Variants in KPNA1 observed in about 807,000 individuals in gnomAD.
The protein encoded by KPNA1 is karyopherin subunit alpha 1.
In KPNA1, 10 loss-of-function variants were observed where a neutral mutation model predicts 70.5. The observed-to-expected ratio is 0.14, with a 90% CI of 0.09 to 0.24. The LOEUF is 0.24. KPNA1 is among the 10% of genes least tolerant of loss of function. The pLI, the probability that KPNA1 is intolerant of heterozygous loss-of-function variation, is 1.00. For synonymous variants in KPNA1, 192 were observed against 221.9 expected, an observed-to-expected ratio of 0.87 and a Z score of 1.20; for missense variants, 397 against 637.9, an observed-to-expected ratio of 0.62 and a Z score of 4.07.
intron 5 of KPNA1, among the ~76,000 whole-genome samples, chr3:122,455,585 CAGTCTTGTTGCCCAGGCTGG>C (rs1308054374): frequency 6.6e-6 from 1 of 152,038 alleles, no homozygotes; most frequent in Non-Finnish European, 1.5e-5. Flanking sequence ...GACAGAGTCT[CAGTCTTGTTGCCCAGGCTGG>C]AGTGCAATGT....
At chr3:122,433,509 A>C in intron 12 of KPNA1, 152 bp downstream of exon 12, 1 of 558,500 alleles carries the variant, frequency 1.8e-6, no homozygotes, top group Non-Finnish European at 3.0e-6. Flanking sequence ...ACTGGAACTA[A>C]ACATTCTTAT....
intron 9 of KPNA1, among the ~76,000 whole-genome samples, chr3:122,446,699 C>T (rs1280733349): frequency 6.6e-6 from 1 of 151,914 alleles, no homozygotes; most frequent in African/African-American, 2.4e-5. Context: ...GATACAGACA[C>T]AAAAAACCCT....
At chr3:122,484,620 G>A (rs1424621151) in intron 2 of KPNA1, among the ~76,000 whole-genome samples, 2 of 151,688 alleles carry the variant, frequency 1.3e-5, no homozygotes, top group Non-Finnish European at 2.9e-5. Flanking sequence ...TCCAGCCTGG[G>A]AGACAGAGTG....
chr3:122,434,799 G>A (rs1183866840), intron 11 of KPNA1, among the ~76,000 whole-genome samples: 1 of 152,122 alleles, frequency 6.6e-6, no homozygotes, highest in Non-Finnish European at 1.5e-5. Context: ...CCTAACATGG[G>A]TTTATATCAT....
chr3:122,427,861 C>T, intron 12 of KPNA1, 145 bp from the exon 13 acceptor site: 1 of 469,362 alleles, frequency 2.1e-6, no homozygotes, highest in Non-Finnish European at 3.6e-6. Context: ...ACAAGCTATA[C>T]CTTTTCACAA....
chr3:122,506,593 C>G (rs539331288), intron 1 of KPNA1, among the ~76,000 whole-genome samples: 2 of 152,102 alleles, frequency 1.3e-5, no homozygotes, highest in African/African-American at 4.8e-5. Flanking sequence ...TTTGAAAAAC[C>G]CTTCAATAAA....
intron 1 of KPNA1, among the ~76,000 whole-genome samples, chr3:122,499,762 GAAA>G (rs56295442): frequency 8.6e-6 from 1 of 116,932 alleles, no homozygotes; most frequent in African/African-American, 3.2e-5. Flanking sequence ...GTCTCTTCAA[GAAA>G]AAAAAAAAAA....
intron 1 of KPNA1, among the ~76,000 whole-genome samples, chr3:122,502,884 A>T (rs902419225): frequency 6.6e-6 from 1 of 152,102 alleles, no homozygotes; most frequent in Non-Finnish European, 1.5e-5. Flanking sequence ...TTGGGAGGCC[A>T]AGGTGGGAGG....
intron 10 of KPNA1, among the ~76,000 whole-genome samples, chr3:122,439,884 T>G (rs988042545): frequency 6.6e-6 from 1 of 152,096 alleles, no homozygotes; most frequent in South Asian, 2.1e-4. Flanking sequence ...GTTTCATGTG[T>G]AGGTAAAGAG....
At chr3:122,506,792 T>A (rs1033651026) in intron 1 of KPNA1, among the ~76,000 whole-genome samples, 5 of 152,230 alleles carry the variant, frequency 3.3e-5, no homozygotes, top group Non-Finnish European at 5.9e-5. Flanking sequence ...ACTCCCAGTA[T>A]CTATAGGTTC....
chr3:122,437,524 T>C (rs2076004918), intron 10 of KPNA1, among the ~76,000 whole-genome samples: 1 of 152,216 alleles, frequency 6.6e-6, no homozygotes, highest in Admixed American at 6.5e-5. Context: ...CTTAATAAGA[T>C]ACAATAATGT....
chr3:122,461,640 A>G (rs1178760113), intron 4 of KPNA1, among the ~76,000 whole-genome samples: 1 of 152,214 alleles, frequency 6.6e-6, no homozygotes, highest in Non-Finnish European at 1.5e-5. Flanking sequence ...GTGTTCTGGT[A>G]TACTTCCTTC....
intron 5 of KPNA1, chr3:122,459,304 T>C (rs2076297108): frequency 2.6e-6 from 1 of 385,646 alleles, no homozygotes; most frequent in African/African-American, 2.2e-5. Flanking sequence ...ACCATCTATA[T>C]TTAATGCATA....
At chr3:122,446,674 A>C (rs566008308) in intron 9 of KPNA1, among the ~76,000 whole-genome samples, 2 of 152,352 alleles carry the variant, frequency 1.3e-5, no homozygotes, top group South Asian at 4.1e-4. Context: ...CTAAGATCAG[A>C]GCAGAACTGA....
chr3:122,465,725 C>A (rs2076372812), intron 3 of KPNA1, among the ~76,000 whole-genome samples: 1 of 152,206 alleles, frequency 6.6e-6, no homozygotes, highest in African/African-American at 2.4e-5. Flanking sequence ...TATGGTGAAA[C>A]CCTGTCTCTA....
intron 10 of KPNA1, among the ~76,000 whole-genome samples, chr3:122,439,259 T>A (rs1264038148): frequency 1.3e-5 from 2 of 152,124 alleles, no homozygotes; most frequent in Non-Finnish European, 2.9e-5. Flanking sequence ...CATAGCTCAC[T>A]GCAACCTCAA....
intron 8 of KPNA1, 36 bp from the exon 9 acceptor site, chr3:122,449,773 G>A (rs745365676): frequency 1.4e-5 from 22 of 1,571,098 alleles, no homozygotes; most frequent in Non-Finnish European, 1.9e-5. Context: ...AAATTCAATA[G>A]ACTAAAAGCC....
chr3:122,510,805 G>A (rs893668497), intron 1 of KPNA1, among the ~76,000 whole-genome samples: 1 of 152,162 alleles, frequency 6.6e-6, no homozygotes, highest in Non-Finnish European at 1.5e-5. Context: ...TGCAGAGGCT[G>A]GGACAGGGAA....
At chr3:122,463,332 A>G (rs2076345868) in intron 4 of KPNA1, among the ~76,000 whole-genome samples, 1 of 139,406 alleles carries the variant, frequency 7.2e-6, no homozygotes, top group South Asian at 2.4e-4. Context: ...TGGGCGACAG[A>G]GTGAGACTCC....
Sources: gnomAD v4.1 joint callset for allele counts (sites outside exome capture counted in the v4.1 genomes callset) on GRCh38, gnomAD v4.1.1 for gene constraint, MANE v1.5 for transcripts, NCBI Gene and HGNC (gene_info 2026-07-23, HGNC 2026-07-21) for gene names.